PHACTR4: variants seen among roughly 807,000 people sequenced by gnomAD.
PHACTR4 encodes the protein phosphatase and actin regulator 4.
In PHACTR4, 51 loss-of-function variants were observed where a neutral mutation model predicts 72.7. That is an observed-to-expected ratio of 0.70 (90% CI 0.56 to 0.89). PHACTR4 has a LOEUF of 0.89. Ranked by LOEUF, PHACTR4 falls within the 40% of genes least tolerant of loss-of-function variation. The probability of loss-of-function intolerance (pLI) is 0.00; values close to 1 mark genes in which losing one functional copy is unlikely to be tolerated. For synonymous variants in PHACTR4, 255 were observed against 302.5 expected (o/e 0.84, Z 1.63); for missense variants, 731 against 861.8 (o/e 0.85, Z 1.90).
intron 2 of PHACTR4, among the ~76,000 whole-genome samples, chr1:28,455,582 GATA>G (rs1658331044): frequency 6.6e-6 from 1 of 152,120 alleles, no homozygotes; most frequent in African/African-American, 2.4e-5. Context: ...GAGGTTTCCA[GATA>G]ATAATCTGGT....
chr1:28,457,961 G>A, intron 2 of PHACTR4: 1 of 711,570 alleles, frequency 1.4e-6, no homozygotes, highest in Non-Finnish European at 1.7e-6. Flanking sequence ...CCCCGCCTTG[G>A]CTCTCCTTTC....
At chr1:28,416,844 T>G (rs1412655440) in intron 2 of PHACTR4, among the ~76,000 whole-genome samples, 2 of 152,212 alleles carry the variant, frequency 1.3e-5, no homozygotes, top group African/African-American at 2.4e-5. Context: ...ATTTTCTCTT[T>G]TATAGTTCAT....
intron 9 of PHACTR4, among the ~76,000 whole-genome samples, chr1:28,483,663 G>T (rs1660427687): frequency 6.6e-6 from 1 of 151,798 alleles, no homozygotes; most frequent in Non-Finnish European, 1.5e-5. Flanking sequence ...TTAGCTGGGT[G>T]TGGTGCTGGG....
Position 28,480,616 on chromosome 1 carries a change from C to T in PHACTR4, c.1760+12C>T, listed in dbSNP as rs761529510. On this transcript the variant is annotated intron_variant, in intron 9 of 13. Transcript: ENST00000373839. The stretch of plus-strand genomic sequence containing the variant: ...AACACACTGATCCGGTAGGCCTTTG[C>T]TTAGATTTGCTTGATTGATTTGGTT... The T allele has an allele frequency of 2.5e-6, 4 of 1,613,048 alleles. No individual in the cohort carries two copies. The highest frequency in any genetic ancestry group is 2.7e-5 in the African/African-American group (2 of 74,900).
In PHACTR4 at chr1:28,390,493, A is replaced by C. The variant is rs536224626; in HGVS notation, c.-38-16917A>C. Among the ~76,000 whole-genome samples the C allele has an allele frequency of 6.3e-4, 96 of 152,310 alleles. No homozygotes were observed. The South Asian group carries it at 7.0e-3, about 11-fold the overall frequency. On this transcript the variant is annotated intron_variant, in intron 1 of 13. Transcript: ENST00000373839. ...AGTATTACAGAATATAATTCTAATA[A>C]AAATTCCAGGCTGGGGCAGGGCATG... is the stretch of plus-strand genomic sequence containing the variant.
chr1:28,476,244 G>T lies in PHACTR4; in HGVS notation c.1559G>T (p.Gly520Val), dbSNP rs1470240016. Residue 520 changes from glycine to valine, a missense_variant, in exon 8 of 14, where the codon GGT becomes GTT. Coordinates refer to ENST00000373839, the MANE Select transcript of PHACTR4 (RefSeq NM_001048183.3). ...AAGGAGAGCGACTCTGATTCAGAAG[G>T]TCCCATTCAGTACCGAGATGAAGAA... ...EEKESDSDSE[G>V]PIQYRDEEDE... is the part of the protein sequence containing the mutation. 6.2e-7 allele frequency: 1 copy of T among 1,613,134 alleles called. No homozygotes were observed. The highest frequency in any genetic ancestry group is 8.5e-7 in the Non-Finnish European group (1 of 1,179,718).
chr1:28,432,535 T>G (rs1656345149), intron 2 of PHACTR4, among the ~76,000 whole-genome samples: 1 of 151,846 alleles, frequency 6.6e-6, no homozygotes, highest in Admixed American at 6.6e-5. Context: ...TTCTAGCTAC[T>G]CCGGAGGCTG....
chr1:28,419,008 T>G (rs1655308362), intron 2 of PHACTR4, among the ~76,000 whole-genome samples: 1 of 97,450 alleles, frequency 1.0e-5, no homozygotes, highest in Non-Finnish European at 2.1e-5. Context: ...CATTGGTAAT[T>G]ACTAATAACA....
chr1:28,462,505 T>C (rs1658886055), intron 4 of PHACTR4, among the ~76,000 whole-genome samples: 1 of 152,046 alleles, frequency 6.6e-6, no homozygotes, highest in Non-Finnish European at 1.5e-5. Flanking sequence ...GTAGCTGGAA[T>C]TATAGGCATG....
chr1:28,390,801 G>GA (rs879925758), intron 1 of PHACTR4, among the ~76,000 whole-genome samples: 23 of 149,684 alleles, frequency 1.5e-4, no homozygotes, highest in African/African-American at 5.2e-4. Context: ...TCAAAAAATA[G>GA]AAAAAATTCC....
Position 28,497,749 on chromosome 1 carries a change from T to C in PHACTR4, c.*1200T>C, listed in dbSNP as rs1485460203. 1 of 150,398 alleles carries C rather than the reference T, an allele frequency of 6.6e-6. No individual in the cohort carries two copies. The highest frequency in any genetic ancestry group is 2.5e-5 in the African/African-American group (1 of 40,816). 9.3% of individuals were successfully genotyped at this position (150,398 alleles called of 1,614,324 possible). A position where few individuals can be genotyped will look rare whatever the true frequency, so the allele number is the denominator to read the frequency against. On this transcript the variant is annotated 3_prime_UTR_variant, in exon 14 of 14. Coordinates refer to ENST00000373839, the MANE Select transcript of PHACTR4 (RefSeq NM_001048183.3). ...GGCTCACGCCTGTAATCCCAACACTTTGGGAGGCTGAGGCGGGTGGATCAC... is the reference window on the plus strand; with the variant it reads ...GGCTCACGCCTGTAATCCCAACACTCTGGGAGGCTGAGGCGGGTGGATCAC...
intron 1 of PHACTR4, among the ~76,000 whole-genome samples, chr1:28,405,192 ATTGAG>A (rs1156270948): frequency 6.6e-6 from 1 of 151,952 alleles, no homozygotes; most frequent in East Asian, 1.9e-4. Context: ...TCTTTTTGTT[ATTGAG>A]TTATTGTTCT....
intron 9 of PHACTR4, among the ~76,000 whole-genome samples, chr1:28,481,753 G>C (rs2124526013): frequency 6.7e-6 from 1 of 149,932 alleles, no homozygotes; most frequent in South Asian, 2.1e-4. Flanking sequence ...TCGCGCCACT[G>C]TACTGCAGCC....
intron 1 of PHACTR4, among the ~76,000 whole-genome samples, chr1:28,385,180 A>G (rs1402785731): frequency 6.6e-6 from 1 of 152,118 alleles, no homozygotes; most frequent in African/African-American, 2.4e-5. Flanking sequence ...AGATTCTGGT[A>G]TGATATATCT....
intron 8 of PHACTR4, among the ~76,000 whole-genome samples, chr1:28,479,200 C>T (rs1660111465): frequency 6.6e-6 from 1 of 151,926 alleles, no homozygotes; most frequent in Non-Finnish European, 1.5e-5. Context: ...GCAGGCGGAT[C>T]ACCTGAGGTC....
chr1:28,423,435 A>ATAAATAAATAAATAAATAAATAAATGAG (rs1655637063), intron 2 of PHACTR4, among the ~76,000 whole-genome samples: 1 of 141,570 alleles, frequency 7.1e-6, no homozygotes, highest in Non-Finnish European at 1.5e-5. Context: ...AAATAAATAA[A>ATAAATAAATAAATAAATAAATAAATGAG]TAAATAAATG....
At chr1:28,404,346 G>A (rs1016509043) in intron 1 of PHACTR4, among the ~76,000 whole-genome samples, 15 of 142,630 alleles carry the variant, frequency 1.1e-4, no homozygotes, top group African/African-American at 3.5e-4. Context: ...GCAGTGGCGC[G>A]ATCTCAGCTC....
chr1:28,486,656 C>T (rs1660662094), intron 9 of PHACTR4, among the ~76,000 whole-genome samples: 2 of 151,978 alleles, frequency 1.3e-5, no homozygotes, highest in African/African-American at 2.4e-5. Context: ...CACTTAACGT[C>T]TGGAGTTCAA....
intron 1 of PHACTR4, among the ~76,000 whole-genome samples, chr1:28,404,972 C>T (rs920322562): frequency 3.3e-5 from 5 of 152,040 alleles, no homozygotes; most frequent in Non-Finnish European, 7.4e-5. Context: ...TCCATGTGTT[C>T]TCGGTTTAGC....
Sources: gnomAD v4.1 joint callset for allele counts (sites outside exome capture counted in the v4.1 genomes callset) on GRCh38, gnomAD v4.1.1 for gene constraint, MANE v1.5 for transcripts, NCBI Gene and HGNC (gene_info 2026-07-23, HGNC 2026-07-21) for gene names.